Variants in TOX3 observed in about 807,000 individuals in gnomAD.
TOX3 encodes the protein TOX high mobility group box family member 3.
TOX3 carries 22 observed loss-of-function variants against 64.3 expected under a neutral mutation model. That is an observed-to-expected ratio of 0.34 (90% CI 0.24 to 0.49). TOX3 has a LOEUF of 0.49. Among genes scored for constraint, TOX3 ranks in the 20% least tolerant of loss-of-function variants. TOX3 has a pLI of 0.99. For missense variants in TOX3, 661 were observed against 714.4 expected, an observed-to-expected ratio of 0.93 and a Z score of 0.85; for synonymous variants, 291 against 273.6, an observed-to-expected ratio of 1.06 and a Z score of -0.63.
intron 2 of TOX3, among the ~76,000 whole-genome samples, 160 bp from the exon 3 acceptor site, chr16:52,464,348 T>A (rs1960790946): frequency 6.6e-6 from 1 of 152,238 alleles, no homozygotes; most frequent in Admixed American, 6.5e-5. Context: ...TTTCCATATA[T>A]AAAGTTTTGC....
At chr16:52,445,294 T>C (rs1324517868) in intron 5 of TOX3, 1 of 152,084 alleles carries the variant, frequency 6.6e-6, no homozygotes, top group African/African-American at 2.4e-5. Flanking sequence ...CTCATAGGAG[T>C]TGATCTATTC....
intron 1 of TOX3, among the ~76,000 whole-genome samples, chr16:52,528,166 T>C (rs552691905): frequency 1.3e-5 from 2 of 152,340 alleles, no homozygotes; most frequent in Non-Finnish European, 2.9e-5. Flanking sequence ...CTTAACCAGA[T>C]GTTAAAAACT....
chr16:52,475,788 T>C (rs1375295025), intron 1 of TOX3: 1 of 152,168 alleles, frequency 6.6e-6, no homozygotes, highest in Non-Finnish European at 1.5e-5. Flanking sequence ...CCAAGTGTTG[T>C]GCTAAGGACT....
rs563556282 is a variant in TOX3 at position 52,506,453 on chromosome 16, T to A, written c.88-37879A>T. On this transcript the variant is annotated intron_variant, in intron 1 of 6. Coordinates refer to ENST00000219746, the MANE Select transcript of TOX3 (RefSeq NM_001080430.4). ...TCAACCCAACCCACCAAGCAATGTA[T>A]CAGATTGGATTGGAGACAGATTGGA... Among the ~76,000 whole-genome samples the A allele has an allele frequency of 3.9e-5, 6 of 152,050 alleles. No homozygotes were observed. In the South Asian group the frequency reaches 1.2e-3, roughly 32 times the overall value.
chr16:52,529,167 T>G (rs1210271160), intron 1 of TOX3, among the ~76,000 whole-genome samples: 1 of 152,216 alleles, frequency 6.6e-6, no homozygotes, highest in African/African-American at 2.4e-5. Context: ...ATTTAAAGTC[T>G]CAGAGAGTAT....
At chr16:52,518,120 C>A (rs1180538795) in intron 1 of TOX3, among the ~76,000 whole-genome samples, 2 of 152,036 alleles carry the variant, frequency 1.3e-5, no homozygotes, top group African/African-American at 4.8e-5. Context: ...AGATGAGATT[C>A]ATTATTTTGC....
At chr16:52,485,598 A>T (rs1567329830) in intron 1 of TOX3, among the ~76,000 whole-genome samples, 1 of 152,120 alleles carries the variant, frequency 6.6e-6, no homozygotes, top group Non-Finnish European at 1.5e-5. Context: ...CAATATACCC[A>T]TGAATATACC....
At chr16:52,509,629 A>G (rs55836243) in intron 1 of TOX3, among the ~76,000 whole-genome samples, 543 of 152,300 alleles carry the variant, frequency 3.6e-3, no homozygotes, top group African/African-American at 0.013. Flanking sequence ...ATTAAATTCA[A>G]TTTCACACTT....
chr16:52,469,972 G>A lies in TOX3; in HGVS notation c.88-1398C>T, dbSNP rs181666748. Among the ~76,000 whole-genome samples the A allele has an allele frequency of 8.3e-4, 127 of 152,220 alleles. 2 individuals are homozygous for A. The highest frequency in any genetic ancestry group is 6.7e-3 in the Admixed American group (102 of 15,294). ...GAAATGCACATACAATGAGTCATCC[G>A]ACAAGCTCTCACTGAGCACTCAGCT... On this transcript the variant is annotated intron_variant, in intron 1 of 6. Transcript: ENST00000219746.
chr16:52,452,971 G>C (rs1191743749), intron 3 of TOX3, among the ~76,000 whole-genome samples: 1 of 152,088 alleles, frequency 6.6e-6, no homozygotes, highest in Non-Finnish European at 1.5e-5. Context: ...AGATTGTGTG[G>C]ATTTTATGTT....
Position 52,546,810 on chromosome 16 carries a change from G to T in TOX3, c.-87C>A, listed in dbSNP as rs892119791. ...CCTCGCCGCCGCTAGATCCACCGTC[G>T]AGGGCGCCCGGGGGTGGCGCGTGGG... On this transcript the variant is annotated 5_prime_UTR_variant, in exon 1 of 7. Transcript: ENST00000219746. 2 of 1,320,454 alleles carry T rather than the reference G, an allele frequency of 1.5e-6. No individual in the cohort carries two copies. Among genetic ancestry groups the T allele is most frequent in the Admixed American group, 3.7e-5 (1 of 27,190 alleles). The allele number at this position is 1,320,454 out of a possible 1,614,324, so 81.8% of individuals were successfully genotyped here. A position where few individuals can be genotyped will look rare whatever the true frequency, so the allele number is the denominator to read the frequency against.
chr16:52,479,344 T>C (rs151159661), intron 1 of TOX3, among the ~76,000 whole-genome samples: 252 of 152,302 alleles, frequency 1.7e-3, no homozygotes, highest in African/African-American at 5.8e-3. Context: ...AGCCTGCAAG[T>C]ATACACTGTG....
chr16:52,529,772 T>C (rs1035074594), intron 1 of TOX3, among the ~76,000 whole-genome samples: 6 of 152,192 alleles, frequency 3.9e-5, no homozygotes, highest in Non-Finnish European at 8.8e-5. Context: ...CCTAAGAAGA[T>C]TCTCTGTAAA....
chr16:52,455,914 C>T (rs1257191289), intron 3 of TOX3, among the ~76,000 whole-genome samples: 2 of 152,004 alleles, frequency 1.3e-5, no homozygotes, highest in East Asian at 1.9e-4. Context: ...GATGCTTCCC[C>T]GAAGAGGTGA....
At chr16:52,478,885 T>C (rs1961292856) in intron 1 of TOX3, among the ~76,000 whole-genome samples, 1 of 151,674 alleles carries the variant, frequency 6.6e-6, no homozygotes, top group African/African-American at 2.4e-5. Context: ...AATGTCAGAG[T>C]TGGAAGTGAG....
intron 1 of TOX3, among the ~76,000 whole-genome samples, chr16:52,534,540 A>G (rs1388595089): frequency 2.0e-5 from 3 of 152,022 alleles, no homozygotes; most frequent in African/African-American, 7.2e-5. Flanking sequence ...AGGAAGCTAA[A>G]TCAGGAGGTT....
intron 1 of TOX3, among the ~76,000 whole-genome samples, chr16:52,487,255 T>A (rs1016070975): frequency 6.7e-6 from 1 of 149,698 alleles, no homozygotes; most frequent in Non-Finnish European, 1.5e-5. Context: ...GCTCACCCCC[T>A]AATCCCACAA....
chr16:52,473,746 A>G (rs974136495), intron 1 of TOX3, among the ~76,000 whole-genome samples: 6 of 151,566 alleles, frequency 4.0e-5, no homozygotes, highest in Non-Finnish European at 7.4e-5. Context: ...TTAGAAGGCA[A>G]AGCATGACTT....
chr16:52,465,738 A>G (rs191570852), intron 2 of TOX3, among the ~76,000 whole-genome samples: 1 of 152,182 alleles, frequency 6.6e-6, no homozygotes, highest in East Asian at 1.9e-4. Context: ...GCAACAAAAA[A>G]CATTTCTTAC....
Sources: gnomAD v4.1 joint callset for allele counts (sites outside exome capture counted in the v4.1 genomes callset) on GRCh38, gnomAD v4.1.1 for gene constraint, MANE v1.5 for transcripts, NCBI Gene and HGNC (gene_info 2026-07-23, HGNC 2026-07-21) for gene names.